Variants in CHN2 observed in about 807,000 individuals in gnomAD.
CHN2 encodes the protein beta-chimaerin.
CHN2 carries 35 observed loss-of-function variants against 56.3 expected under a neutral mutation model. The ratio of observed to expected loss-of-function variants is 0.62; its 90% confidence interval spans 0.47 to 0.82. CHN2 has a LOEUF of 0.82. Ranked by LOEUF, CHN2 falls within the 40% of genes least tolerant of loss-of-function variation. CHN2 has a pLI of 0.00. For missense variants in CHN2, 491 were observed against 580.5 expected (o/e 0.85, Z 1.58); for synonymous variants, 210 against 212.8 (o/e 0.99, Z 0.12).
intron 6 of CHN2, among the ~76,000 whole-genome samples, chr7:29,417,816 T>C (rs1257788464): frequency 6.6e-6 from 1 of 152,052 alleles, no homozygotes; most frequent in African/African-American, 2.4e-5. Context: ...AAGGCAAAAA[T>C]ACTAGTAAGG....
intron 3 of CHN2, among the ~76,000 whole-genome samples, chr7:29,379,110 G>A (rs539073156): frequency 1.1e-4 from 17 of 152,316 alleles, no homozygotes; most frequent in African/African-American, 4.1e-4. Context: ...AGGAGTTTCA[G>A]CCTTGGAATT....
At chr7:29,218,931 T>G (rs1345167452) in intron 1 of CHN2, among the ~76,000 whole-genome samples, 1 of 151,686 alleles carries the variant, frequency 6.6e-6, no homozygotes, top group Non-Finnish European at 1.5e-5. Flanking sequence ...TGTGCACATG[T>G]ACCCTAGAAC....
intron 6 of CHN2, among the ~76,000 whole-genome samples, chr7:29,417,897 T>C (rs1803936131): frequency 6.6e-6 from 1 of 152,130 alleles, no homozygotes; most frequent in Non-Finnish European, 1.5e-5. Context: ...GCTTCAGAGC[T>C]TCATAGTAAA....
intron 2 of CHN2, among the ~76,000 whole-genome samples, chr7:29,186,223 C>G (rs1050712847): frequency 6.6e-6 from 1 of 151,752 alleles, no homozygotes; most frequent in Non-Finnish European, 1.5e-5. Context: ...TTCCCCAGAG[C>G]CTGGCCTGCC....
intron 6 of CHN2, among the ~76,000 whole-genome samples, chr7:29,402,184 C>T (rs1355219365): frequency 1.3e-5 from 2 of 152,106 alleles, no homozygotes; most frequent in Non-Finnish European, 1.5e-5. Flanking sequence ...GGGAGGAGGG[C>T]GGGGTGGCAC....
At chr7:29,465,565 A>G (rs11763818) in intron 6 of CHN2, among the ~76,000 whole-genome samples, 58,887 of 152,046 alleles carry the variant, frequency 0.39, 11,616 homozygotes, top group African/African-American at 0.45. Context: ...TCACCCAGTT[A>G]TGAAGGGTGG....
At chr7:29,359,913 G>A (rs1798593201) in intron 2 of CHN2, among the ~76,000 whole-genome samples, 1 of 152,164 alleles carries the variant, frequency 6.6e-6, no homozygotes, top group African/African-American at 2.4e-5. Flanking sequence ...GCTCTCCCTG[G>A]AGGCTCCCCT....
chr7:29,287,924 G>A (rs986463817), intron 1 of CHN2, among the ~76,000 whole-genome samples: 2 of 152,068 alleles, frequency 1.3e-5, no homozygotes, highest in African/African-American at 4.8e-5. Flanking sequence ...TTGGTCTTCA[G>A]CATGTCTTTA....
At chr7:29,363,962 A>C (rs951022910) in intron 2 of CHN2, among the ~76,000 whole-genome samples, 2 of 152,112 alleles carry the variant, frequency 1.3e-5, no homozygotes, top group Non-Finnish European at 2.9e-5. Flanking sequence ...GTTTGAACCC[A>C]GGAGTTTGAT....
At chr7:29,206,834 G>A (rs1180716792) in intron 1 of CHN2, among the ~76,000 whole-genome samples, 1 of 152,142 alleles carries the variant, frequency 6.6e-6, no homozygotes, top group African/African-American at 2.4e-5. Context: ...AGTATGTTAA[G>A]TGAAAGAAGT....
chr7:29,263,384 C>A (rs1030698182), intron 1 of CHN2, among the ~76,000 whole-genome samples: 13 of 152,204 alleles, frequency 8.5e-5, no homozygotes, highest in Non-Finnish European at 1.8e-4. Context: ...GCTACAACCT[C>A]CACCTCCCAG....
chr7:29,460,732 G>A (rs909912258), intron 6 of CHN2, among the ~76,000 whole-genome samples: 2 of 152,190 alleles, frequency 1.3e-5, no homozygotes, highest in Admixed American at 6.5e-5. Flanking sequence ...TCTTGGTATC[G>A]GAGGGAAGCA....
intron 1 of CHN2, among the ~76,000 whole-genome samples, chr7:29,331,659 C>G (rs1796225649): frequency 6.6e-6 from 1 of 152,170 alleles, no homozygotes; most frequent in Non-Finnish European, 1.5e-5. Flanking sequence ...ATCAGTTCTT[C>G]CCTTCAAAAT....
intron 1 of CHN2, among the ~76,000 whole-genome samples, chr7:29,235,795 C>T (rs900616972): frequency 6.6e-6 from 1 of 152,160 alleles, no homozygotes; most frequent in African/African-American, 2.4e-5. Flanking sequence ...AACTGACAAC[C>T]AAATACCGCA....
At chr7:29,359,457 A>G (rs2128028981) in intron 2 of CHN2, among the ~76,000 whole-genome samples, 1 of 152,280 alleles carries the variant, frequency 6.6e-6, no homozygotes, top group African/African-American at 2.4e-5. Flanking sequence ...GAGTTGGGCC[A>G]CTAAGATGGA....
chr7:29,324,524 G>A (rs39127), intron 1 of CHN2, among the ~76,000 whole-genome samples: 136,607 of 152,166 alleles, frequency 0.9, 61,444 homozygotes, highest in East Asian at 1. Flanking sequence ...TTTCATTACT[G>A]TTAGAGTGAC....
intron 1 of CHN2, among the ~76,000 whole-genome samples, chr7:29,245,924 CT>C (rs1788040065): frequency 2.6e-5 from 4 of 152,320 alleles, no homozygotes; most frequent in African/African-American, 9.6e-5. Context: ...TGCTGGGCTC[CT>C]GATAAGGAGG....
intron 1 of CHN2, among the ~76,000 whole-genome samples, chr7:29,340,093 A>G (rs1276316917): frequency 6.6e-5 from 10 of 152,198 alleles, no homozygotes; most frequent in Non-Finnish European, 1.2e-4. Context: ...GTGCTGTGGG[A>G]AAAAATGTCT....
intron 2 of CHN2, among the ~76,000 whole-genome samples, chr7:29,356,837 A>G (rs959893646): frequency 6.6e-6 from 1 of 152,194 alleles, no homozygotes; most frequent in Admixed American, 6.5e-5. Flanking sequence ...ATGGAGTGTG[A>G]AGAGCTCTGA....
Sources: allele counts gnomAD v4.1 joint callset (sites outside exome capture counted in the v4.1 genomes callset), GRCh38; gene constraint gnomAD v4.1.1; transcripts MANE v1.5; gene names NCBI Gene and HGNC (gene_info 2026-07-23, HGNC 2026-07-21).